The following NAV3 variants were observed in gnomAD, a reference collection of about 807,000 sequenced individuals.
The protein encoded by NAV3 is pore membrane and/or filament interacting like protein 1.
Under a neutral mutation model 244.7 loss-of-function variants are expected in NAV3, and 87 were observed. That is an observed-to-expected ratio of 0.36 (90% CI 0.30 to 0.42). The LOEUF (loss-of-function observed/expected upper bound fraction) is 0.42. Ranked by LOEUF, NAV3 falls within the 20% of genes least tolerant of loss-of-function variation. The pLI is 1.00. For synonymous variants in NAV3, 1,126 were observed against 1,042.2 expected (o/e 1.08, Z -1.55); for missense variants, 2,663 against 2,893.3 (o/e 0.92, Z 1.83).
rs757986025 is a variant in NAV3, at chr12:77,941,164, T to C, written c.414+31T>C. The C allele has an allele frequency of 1.1e-5, 14 of 1,273,186 alleles. No individual in the cohort carries two copies. The Admixed American group carries it at 2.3e-4, about 21-fold the overall frequency. 78.9% of individuals were successfully genotyped at this position (1,273,186 alleles called of 1,614,324 possible). ...AATCATATTTATTCTCAATATATAA[T>C]GCTGATCTTCACTTCCAGAATTAAT... On this transcript the variant is annotated intron_variant, in intron 3 of 39. Coordinates refer to ENST00000397909, the MANE Select transcript of NAV3 (RefSeq NM_001024383.2).
chr12:78,049,006 T>A lies in NAV3; in HGVS notation c.2024-987T>A, dbSNP rs1426611688. ...GCCCAGTCCAAAATTCCCAGCGGGT[T>A]TGTTTACATTGTGAGGGGAAAAGCA... is the stretch of plus-strand genomic sequence containing the variant. On this transcript the variant is annotated intron_variant, in intron 9 of 39. Transcript: ENST00000397909. Among the ~76,000 whole-genome samples, 3 of 152,144 alleles carry A rather than the reference T, an allele frequency of 2.0e-5. No homozygotes were observed. The East Asian group carries it at 5.8e-4, about 29-fold the overall frequency.
At chr12:78,128,104 T>C (rs1431984116) in intron 17 of NAV3, among the ~76,000 whole-genome samples, 1 of 152,076 alleles carries the variant, frequency 6.6e-6, no homozygotes, top group Non-Finnish European at 1.5e-5. Context: ...ATTATTTTTT[T>C]TCTCTCCAAT....
chr12:77,589,554 G>A (rs1472370750), intron 2 of NAV3, among the ~76,000 whole-genome samples: 1 of 152,186 alleles, frequency 6.6e-6, no homozygotes, highest in South Asian at 2.1e-4. Context: ...TTCTTCACAT[G>A]GGGGCAGGAA....
In NAV3 at chr12:77,968,573, G is replaced by T. The variant is rs377223602; in HGVS notation, c.542G>T (p.Arg181Leu). 6 of 1,613,926 alleles carry T rather than the reference G, an allele frequency of 3.7e-6. No homozygotes were observed. Among genetic ancestry groups the T allele is most frequent in the East Asian group, 2.2e-5 (1 of 44,872 alleles). Residue 181 changes from arginine to leucine, a missense_variant, in exon 5 of 40, where the codon CGC (arginine) becomes CTC (leucine). By Grantham distance (102) the Arg-to-Leu change is moderately radical. Around this residue, in one of 6 missense-constraint regions of NAV3, gnomAD observed 1,521 missense variants for 1,497.0 expected, o/e 1.02. Coordinates refer to ENST00000397909, the MANE Select transcript of NAV3 (RefSeq NM_001024383.2). The stretch of plus-strand genomic sequence containing the variant: ...CTAGGGCTGTTTTTCAGTTTATCTC[G>T]CTACAAGCAGCAACAACACCATCAA... Reference protein sequence around the residue: ...AILGLFFSLSRYKQQQHHQQQ... With the variant: ...AILGLFFSLSLYKQQQHHQQQ...
chr12:78,145,252 G>A (rs903174285), intron 20 of NAV3, among the ~76,000 whole-genome samples: 1 of 152,124 alleles, frequency 6.6e-6, no homozygotes, highest in South Asian at 2.1e-4. Flanking sequence ...TTATTATTTA[G>A]CCACTATATT....
At chr12:78,120,291 T>G (rs1434850922) in intron 15 of NAV3, among the ~76,000 whole-genome samples, 1 of 152,168 alleles carries the variant, frequency 6.6e-6, no homozygotes, top group Non-Finnish European at 1.5e-5. Flanking sequence ...TTTCCATTCC[T>G]CCTTTTCACA....
At chr12:78,085,843 CTCAAATG>C (rs1334224354) in intron 12 of NAV3, among the ~76,000 whole-genome samples, 1 of 152,024 alleles carries the variant, frequency 6.6e-6, no homozygotes, top group Non-Finnish European at 1.5e-5. Flanking sequence ...GGTTAGCAAA[CTCAAATG>C]TTGAGTAAAA....
chr12:78,128,967 G>A, intron 18 of NAV3, 101 bp downstream of exon 18: 1 of 1,147,988 alleles, frequency 8.7e-7, no homozygotes, highest in Non-Finnish European at 1.2e-6. Flanking sequence ...TTCATTTAAA[G>A]GGAGGGATAA....
intron 20 of NAV3, among the ~76,000 whole-genome samples, 193 bp from the exon 21 acceptor site, chr12:78,146,176 T>C (rs908040697): frequency 1.3e-5 from 2 of 152,104 alleles, no homozygotes; most frequent in African/African-American, 4.8e-5. Context: ...GGTTTATATA[T>C]TAAGAAACAT....
At chr12:77,741,322 T>A (rs1374371276) in intron 2 of NAV3, among the ~76,000 whole-genome samples, 1 of 152,130 alleles carries the variant, frequency 6.6e-6, no homozygotes, top group African/African-American at 2.4e-5. Flanking sequence ...CACTACATGT[T>A]ATTATTATAA....
At chr12:78,039,590 GGC>G (rs1880506624) in intron 9 of NAV3, among the ~76,000 whole-genome samples, 1 of 151,918 alleles carries the variant, frequency 6.6e-6, no homozygotes, top group Non-Finnish European at 1.5e-5. Context: ...TGGGGTAGAG[GGC>G]ATAATTCTCT....
chr12:77,869,937 T>C (rs1880684423), intron 1 of NAV3, among the ~76,000 whole-genome samples: 1 of 152,228 alleles, frequency 6.6e-6, no homozygotes, highest in East Asian at 1.9e-4. Context: ...CTGTTTTACC[T>C]ATCATTTTTG....
intron 2 of NAV3, among the ~76,000 whole-genome samples, chr12:77,600,909 C>T (rs1413206727): frequency 6.6e-6 from 1 of 151,866 alleles, no homozygotes; most frequent in Admixed American, 6.6e-5. Flanking sequence ...AAATCTAGTA[C>T]ATAATCTACA....
intron 1 of NAV3, among the ~76,000 whole-genome samples, chr12:77,871,031 G>A (rs1880871620): frequency 6.6e-6 from 1 of 152,106 alleles, no homozygotes. Flanking sequence ...AATGAAATAA[G>A]CACATGAAAG....
chr12:78,105,053 T>C (rs901802651), intron 12 of NAV3, among the ~76,000 whole-genome samples: 1 of 152,156 alleles, frequency 6.6e-6, no homozygotes, highest in Admixed American at 6.5e-5. Flanking sequence ...TCAAATAATT[T>C]TAAAATATTT....
At chr12:77,650,086 C>T (rs1411966550) in intron 2 of NAV3, among the ~76,000 whole-genome samples, 2 of 152,166 alleles carry the variant, frequency 1.3e-5, no homozygotes, top group East Asian at 3.9e-4. Context: ...ATTGCTCCCT[C>T]CTGTTTTAGA....
intron 2 of NAV3, among the ~76,000 whole-genome samples, chr12:77,734,759 C>A (rs547912686): frequency 3.3e-5 from 5 of 152,216 alleles, no homozygotes; most frequent in African/African-American, 7.2e-5. Flanking sequence ...TTGCTTCCAG[C>A]AAATTACTAT....
chr12:78,050,644 C>T (rs889918939), intron 10 of NAV3, 120 bp from the exon 11 acceptor site: 17 of 1,019,348 alleles, frequency 1.7e-5, no homozygotes, highest in East Asian at 9.8e-5. Context: ...GTTTAGCTTT[C>T]GGGAAGATGA....
intron 2 of NAV3, among the ~76,000 whole-genome samples, chr12:77,644,721 A>G (rs1872548280): frequency 6.6e-6 from 1 of 152,106 alleles, no homozygotes; most frequent in South Asian, 2.1e-4. Flanking sequence ...TTAGAGGTCT[A>G]TGGTAATCAT....
Sources: allele counts gnomAD v4.1 joint callset (sites outside exome capture counted in the v4.1 genomes callset), GRCh38; gene constraint gnomAD v4.1.1; regional missense constraint gnomAD v4.1.1; transcripts MANE v1.5; gene names NCBI Gene and HGNC (gene_info 2026-07-23, HGNC 2026-07-21).